SLC22A2: variants seen among roughly 807,000 people sequenced by gnomAD.
SLC22A2 encodes the protein organic cation transporter 2.
SLC22A2 carries 46 observed loss-of-function variants against 60.5 expected under a neutral mutation model. The ratio of observed to expected loss-of-function variants is 0.76; its 90% CI spans 0.60 to 0.97. The LOEUF (loss-of-function observed/expected upper bound fraction) is 0.97. Among genes scored for constraint, SLC22A2 ranks in the 50% least tolerant of loss-of-function variants. The probability of loss-of-function intolerance (pLI) is 0.00; values close to 1 mark genes in which losing one functional copy is unlikely to be tolerated. For synonymous variants in SLC22A2, 303 were observed against 267.0 expected (o/e 1.13, Z -1.31); for missense variants, 701 against 706.6 (o/e 0.99, Z 0.09).
chr6:160,227,905 A>G (rs1169287228), intron 9 of SLC22A2, among the ~76,000 whole-genome samples: 2 of 152,164 alleles, frequency 1.3e-5, no homozygotes, highest in Non-Finnish European at 2.9e-5. Context: ...TCATTGCTAC[A>G]CTCCCACCAG....
chr6:160,241,627 A>G (rs765180814), intron 8 of SLC22A2, 41 bp from the exon 9 acceptor site: 7 of 1,272,738 alleles, frequency 5.5e-6, no homozygotes, highest in Non-Finnish European at 5.7e-6. Flanking sequence ...AACTTATCAC[A>G]GTGCAGTAGT....
At position 160,249,254 on chromosome 6, in the gene SLC22A2, T is replaced by A; in HGVS notation, c.804A>T (p.Thr268=). ...AGAAGAAGAAGTTGGGCAGAGAAAC[T>A]GTGAACTGCAACCACCTCCAGTGAG... The part of the protein sequence containing the change: ...ALPHWRWLQF[T]VSLPNFFFLL... Residue 268 remains threonine, a synonymous_variant, in exon 4 of 11, where the codon ACA becomes ACT. Transcript: ENST00000366953. 6.2e-7 allele frequency: 1 copy of A among 1,610,758 alleles called. No individual in the cohort carries two copies. Among genetic ancestry groups the A allele is most frequent in the Non-Finnish European group, 8.5e-7 (1 of 1,178,486 alleles).
At chr6:160,247,978 T>G (rs1347792199) in intron 4 of SLC22A2, among the ~76,000 whole-genome samples, 2 of 152,166 alleles carry the variant, frequency 1.3e-5, no homozygotes, top group Admixed American at 1.3e-4. Context: ...ATCATCACTC[T>G]GGGAGCGAAG....
chr6:160,253,787 T>C (rs192521075), intron 2 of SLC22A2, among the ~76,000 whole-genome samples: 7 of 152,352 alleles, frequency 4.6e-5, no homozygotes, highest in African/African-American at 1.7e-4. Context: ...TATTTACATC[T>C]ACTGTATCTG....
intron 9 of SLC22A2, among the ~76,000 whole-genome samples, chr6:160,234,700 A>C (rs1244399229): frequency 6.6e-6 from 1 of 152,186 alleles, no homozygotes; most frequent in Non-Finnish European, 1.5e-5. Context: ...TTCATGTCAT[A>C]TTTATCCCTA....
rs746176818 is a variant in SLC22A2, at chr6:160,242,471, T to C, written c.1280-69A>G. 5.4e-6 allele frequency: 5 copies of C among 920,142 alleles called. No homozygotes were observed. In the African/African-American group the frequency reaches 6.5e-5, roughly 12 times the overall value. The allele number at this position is 920,142 out of a possible 1,614,324, so 57.0% of individuals were successfully genotyped here. ...CTCATCTTCAGACAGTGCTCCAGAG[T>C]GGGACTGTAAGGACAAATTCCCCAT... On this transcript the variant is annotated intron_variant, in intron 7 of 10. Transcript: ENST00000366953.
In SLC22A2 at chr6:160,250,703, C is replaced by T; in HGVS notation, c.519-1G>A. The T allele has an allele frequency of 6.2e-7, 1 of 1,613,092 alleles. No homozygotes were observed. Among genetic ancestry groups the T allele is most frequent in the Non-Finnish European group, 8.5e-7 (1 of 1,179,464 alleles). On this transcript the variant is annotated splice_acceptor_variant, in intron 2 of 10. Transcript: ENST00000366953. LOFTEE classifies it high-confidence loss of function. ...TAGGAGGCAGAGCTTACGGCCAAAC[C>T]TGCAGGAAGAAAAACAAAGAGAGGG...
chr6:160,231,687 A>G (rs1782826814), intron 9 of SLC22A2, among the ~76,000 whole-genome samples: 1 of 151,874 alleles, frequency 6.6e-6, no homozygotes, highest in Non-Finnish European at 1.5e-5. Context: ...TGCCAAACCC[A>G]TATACTCTCC....
At chr6:160,239,244 G>C (rs371695115) in intron 9 of SLC22A2, among the ~76,000 whole-genome samples, 1 of 152,176 alleles carries the variant, frequency 6.6e-6, no homozygotes, top group Non-Finnish European at 1.5e-5. Flanking sequence ...AGTCTGAAAA[G>C]GGGAGGAACC....
intron 2 of SLC22A2, among the ~76,000 whole-genome samples, chr6:160,256,007 T>C (rs1000063370): frequency 6.6e-6 from 1 of 152,144 alleles, no homozygotes; most frequent in African/African-American, 2.4e-5. Flanking sequence ...CAGAGAGGCC[T>C]CTCGTCATCT....
chr6:160,225,959 A>G (rs1296251355), intron 9 of SLC22A2, among the ~76,000 whole-genome samples: 2 of 152,226 alleles, frequency 1.3e-5, no homozygotes, highest in Non-Finnish European at 2.9e-5. Flanking sequence ...CAGCGAAAGG[A>G]GACCTCTTTG....
In SLC22A2 at chr6:160,224,697, C is replaced by T; in HGVS notation, c.1601+8G>A. 1 of 1,584,744 alleles carries T rather than the reference C, an allele frequency of 6.3e-7. No homozygotes were observed. The highest frequency in any genetic ancestry group is 1.1e-5 in the South Asian group (1 of 87,300). On this transcript the variant is annotated splice_region_variant and intron_variant, in intron 10 of 10. Coordinates refer to ENST00000366953, the MANE Select transcript of SLC22A2 (RefSeq NM_003058.4). ...AGAACAATTCATTTAGAACTTTCAA[C>T]TGCCTACCTTTGCATATTTTCGGCT...
intron 10 of SLC22A2, chr6:160,218,022 A>AT (rs2114845744): frequency 6.2e-6 from 1 of 161,144 alleles, no homozygotes; most frequent in East Asian, 1.9e-4. Context: ...TGCTTTCTTC[A>AT]TTTTGTTGTT....
Position 160,217,355 on chromosome 6 carries a change from T to G in SLC22A2, c.*77A>C. On this transcript the variant is annotated 3_prime_UTR_variant, in exon 11 of 11. Coordinates refer to ENST00000366953, the MANE Select transcript of SLC22A2 (RefSeq NM_003058.4). ...GTTTGGTTGAGTTGTATGGGCTTTG[T>G]GATGAGTGCAGGGATTTCTACTTTT... The G allele has an allele frequency of 1.1e-6, 1 of 882,140 alleles. No homozygotes were observed. Among genetic ancestry groups the G allele is most frequent in the Non-Finnish European group, 1.8e-6 (1 of 547,838 alleles). 54.6% of individuals were successfully genotyped at this position (882,140 alleles called of 1,614,324 possible).
In SLC22A2 at chr6:160,258,620, G is replaced by A; in HGVS notation, c.138C>T (p.Thr46=). ...CGGGGCTCCGGCAGCGGTGGTCAGGGGTGAAGCCCAGGAAGACGATGCCCA... is the reference window on the plus strand; with the variant it reads ...CGGGGCTCCGGCAGCGGTGGTCAGGAGTGAAGCCCAGGAAGACGATGCCCA... ...IYVGIVFLGF[T]PDHRCRSPGV... Residue 46 remains threonine, a synonymous_variant, in exon 1 of 11, where the codon ACC becomes ACT. Coordinates refer to ENST00000366953, the MANE Select transcript of SLC22A2 (RefSeq NM_003058.4). 6.2e-7 allele frequency: 1 copy of A among 1,614,006 alleles called. No homozygotes were observed. The highest frequency in any genetic ancestry group is 8.5e-7 in the Non-Finnish European group (1 of 1,179,968).
rs1032281028 is a variant in SLC22A2, at chr6:160,216,832, A to G, written c.*600T>C. The stretch of plus-strand genomic sequence containing the variant: ...GAAAATACACATTCATGCTTACCCA[A>G]TCTAAATATGGAAGGACCTCATGAT... On this transcript the variant is annotated 3_prime_UTR_variant, in exon 11 of 11. Transcript: ENST00000366953. The G allele has an allele frequency of 6.6e-6, 1 of 152,114 alleles. No individual in the cohort carries two copies. The highest frequency in any genetic ancestry group is 2.4e-5 in the African/African-American group (1 of 41,372). The allele number at this position is 152,114 out of a possible 1,614,324, so 9.4% of individuals were successfully genotyped here.
chr6:160,229,672 T>C (rs1414979146), intron 9 of SLC22A2, among the ~76,000 whole-genome samples: 1 of 151,648 alleles, frequency 6.6e-6, no homozygotes, highest in African/African-American at 2.4e-5. Flanking sequence ...TCTCTGTGTC[T>C]CTACTCTCTC....
intron 9 of SLC22A2, among the ~76,000 whole-genome samples, chr6:160,226,168 T>C (rs1007217196): frequency 6.6e-6 from 1 of 152,192 alleles, no homozygotes; most frequent in Non-Finnish European, 1.5e-5. Flanking sequence ...CTGGCTTATC[T>C]GGTCTTGTGG....
intron 9 of SLC22A2, among the ~76,000 whole-genome samples, chr6:160,238,749 G>A (rs1344518835): frequency 6.6e-6 from 1 of 152,184 alleles, no homozygotes; most frequent in East Asian, 1.9e-4. Context: ...AATAAAATTA[G>A]AATTGTCTTT....
Sources: allele counts gnomAD v4.1 joint callset (sites outside exome capture counted in the v4.1 genomes callset), GRCh38; gene constraint gnomAD v4.1.1; transcripts MANE v1.5; gene names NCBI Gene and HGNC (gene_info 2026-07-23, HGNC 2026-07-21).